Variants in AFDN observed in about 807,000 individuals in gnomAD.
AFDN encodes the protein afadin.
AFDN carries 68 observed loss-of-function variants against 216.6 expected under a neutral mutation model. That is an observed-to-expected ratio of 0.31 (90% CI 0.26 to 0.38). AFDN has a LOEUF of 0.38. Ranked by LOEUF, AFDN falls within the 10% of genes least tolerant of loss-of-function variation. AFDN has a pLI of 1.00. For synonymous variants in AFDN, 868 were observed against 853.7 expected (o/e 1.02, Z -0.29); for missense variants, 2,136 against 2,342.0 (o/e 0.91, Z 1.82).
At chr6:167,878,603 C>T (rs531057796) in intron 5 of AFDN, among the ~76,000 whole-genome samples, 1 of 123,882 alleles carries the variant, frequency 8.1e-6, no homozygotes, top group Non-Finnish European at 1.8e-5. Flanking sequence ...CTCTCTCTCT[C>T]TCTGTCTCTC....
intron 2 of AFDN, among the ~76,000 whole-genome samples, chr6:167,866,206 T>C (rs186720841): frequency 2.0e-4 from 31 of 152,334 alleles, no homozygotes; most frequent in Admixed American, 3.3e-4. Context: ...GTTTGAGGTC[T>C]AAAAATTGGA....
chr6:167,919,417 T>A (rs1278749054), intron 21 of AFDN, among the ~76,000 whole-genome samples: 4 of 152,248 alleles, frequency 2.6e-5, no homozygotes, highest in African/African-American at 9.6e-5. Context: ...GCACCTCAGT[T>A]TCTTTTCAGT....
At chr6:167,864,410 C>T (rs772590906) in intron 1 of AFDN, 141 bp from the exon 2 acceptor site, 3 of 843,872 alleles carry the variant, frequency 3.6e-6, no homozygotes, top group African/African-American at 3.3e-5. Context: ...GACTAAAAAC[C>T]CATCTCTCTA....
At chr6:167,876,785 G>A (rs951684243) in intron 5 of AFDN, among the ~76,000 whole-genome samples, 1 of 150,270 alleles carries the variant, frequency 6.7e-6, no homozygotes, top group African/African-American at 2.4e-5. Context: ...TTTTTTTTAC[G>A]ATAAAATAGG....
chr6:167,966,177 C>T, intron 32 of AFDN, 132 bp downstream of exon 32: 3 of 1,534,718 alleles, frequency 2.0e-6, no homozygotes, highest in African/African-American at 2.7e-5. Flanking sequence ...ATTCCAGCCA[C>T]CCTCAGCCAA....
chr6:167,943,901 C>A (rs747498170), intron 25 of AFDN, 40 bp from the exon 26 acceptor site: 1 of 1,538,542 alleles, frequency 6.5e-7, no homozygotes, highest in Non-Finnish European at 9.0e-7. Flanking sequence ...GCAGGCACTG[C>A]GTTTTAGTCT....
chr6:167,956,114 CAAAAAA>C (rs59521151), intron 30 of AFDN, among the ~76,000 whole-genome samples: 12 of 41,298 alleles, frequency 2.9e-4, no homozygotes, highest in Middle Eastern at 0.016. Flanking sequence ...GACTTTGGCT[CAAAAAA>C]AAAAAAAAAA....
chr6:167,952,601 G>A, intron 30 of AFDN: 4 of 641,084 alleles, frequency 6.2e-6, no homozygotes, highest in Non-Finnish European at 7.7e-6. Context: ...GCAACCCCCA[G>A]CTCTGCTGTT....
In AFDN at chr6:167,955,143, C is replaced by T. The variant is rs76093683; in HGVS notation, c.4833+2956C>T. Among the ~76,000 whole-genome samples, 13 of 152,194 alleles carry T rather than the reference C, an allele frequency of 8.5e-5. No individual in the cohort carries two copies. In the East Asian group the frequency reaches 2.5e-3, roughly 29 times the overall value. On this transcript the variant is annotated intron_variant, in intron 30 of 33. Coordinates refer to ENST00000683244, the MANE Select transcript of AFDN (RefSeq NM_001386888.1). ...TTGCGTATGGTATCTTTATCACCTG[C>T]TAGACAATTATACTCTGATATATTT...
At chr6:167,887,108 A>G (rs1786942516) in intron 6 of AFDN, among the ~76,000 whole-genome samples, 1 of 151,904 alleles carries the variant, frequency 6.6e-6, no homozygotes, top group Non-Finnish European at 1.5e-5. Context: ...TGATAAGTGT[A>G]TATAAGTCTA....
chr6:167,945,243 G>T (rs1202848024), intron 26 of AFDN, among the ~76,000 whole-genome samples: 3 of 151,686 alleles, frequency 2.0e-5, no homozygotes, highest in Admixed American at 2.0e-4. Context: ...GCCTGCACAG[G>T]GTCAGGATTA....
At chr6:167,899,482 C>G (rs1442886241) in intron 11 of AFDN, among the ~76,000 whole-genome samples, 2 of 152,170 alleles carry the variant, frequency 1.3e-5, no homozygotes, top group African/African-American at 2.4e-5. Flanking sequence ...TTAACTGTTT[C>G]TTTCTGAAGG....
chr6:167,872,440 C>A, intron 4 of AFDN, 63 bp downstream of exon 4: 1 of 1,511,502 alleles, frequency 6.6e-7, no homozygotes, highest in Non-Finnish European at 8.9e-7. Flanking sequence ...TTTGTTGCAC[C>A]AAAATTGTTA....
At chr6:167,906,658 T>C (rs1789727947) in intron 12 of AFDN, among the ~76,000 whole-genome samples, 1 of 152,208 alleles carries the variant, frequency 6.6e-6, no homozygotes, top group Non-Finnish European at 1.5e-5. Context: ...TGGGTTACCA[T>C]ATAATATGTG....
In AFDN at chr6:167,951,268, G is replaced by A. The variant is rs202145961; in HGVS notation, c.3914G>A (p.Arg1305Gln). 6.8e-6 allele frequency: 11 copies of A among 1,613,242 alleles called. No individual in the cohort carries two copies. Among genetic ancestry groups the A allele is most frequent in the African/African-American group, 1.3e-5 (1 of 74,888 alleles). Residue 1305 changes from arginine (R) to glutamine (Q), a missense_variant, in exon 30 of 34, where the codon CGA becomes CAA. Physicochemically the swap from Arg to Gln is conservative, Grantham distance 43 (BLOSUM62 1). This residue lies in a region of AFDN where 981 missense variants were observed against 966.0 expected (regional missense o/e 1.02). Coordinates refer to ENST00000683244, the MANE Select transcript of AFDN (RefSeq NM_001386888.1). This position sits in a 1 kb window ranked among gnomAD's most constrained non-coding sequence, Gnocchi z 7.1. ...CATCGAATAGAGGCAGCTATGGACCGAAAGTCTGATAGTGATATGTGGATA... is the reference window on the plus strand; with the variant it reads ...CATCGAATAGAGGCAGCTATGGACCAAAAGTCTGATAGTGATATGTGGATA... ...ERHRIEAAMDRKSDSDMWINQ... is the reference protein window; with the variant it reads ...ERHRIEAAMDQKSDSDMWINQ...
chr6:167,911,416 G>A lies in AFDN; in HGVS notation c.1964G>A (p.Ser655Asn). The A allele has an allele frequency of 3.1e-6, 5 of 1,614,086 alleles. No individual in the cohort carries two copies. The highest frequency in any genetic ancestry group is 4.2e-6 in the Non-Finnish European group (5 of 1,180,006). The change falls in exon 15 of 34, where the codon AGC (serine) becomes AAC (asparagine). Residue 655 changes from serine (S) to asparagine (N), a missense_variant. Ser to Asn is a conservative substitution (Grantham distance 46). Transcript: ENST00000683244. ...TCCAACCAGTACAGACCTGACATCAGCCCTACAGAGCGCACACATAAAGTC... is the reference window on the plus strand; with the variant it reads ...TCCAACCAGTACAGACCTGACATCAACCCTACAGAGCGCACACATAAAGTC... The part of the protein sequence containing the change: ...VLSNQYRPDI[S>N]PTERTHKVIA...
chr6:167,932,905 TACAC>T (rs1378424185), intron 23 of AFDN: 4 of 152,212 alleles, frequency 2.6e-5, no homozygotes, highest in Admixed American at 2.6e-4. Context: ...AGCTTGTAAT[TACAC>T]ACTCTTTTTT....
At chr6:167,918,966 C>A in intron 21 of AFDN, 33 bp downstream of exon 21, 1 of 1,574,064 alleles carries the variant, frequency 6.4e-7, no homozygotes, top group Non-Finnish European at 8.7e-7. Context: ...GTCTGAGCTA[C>A]GCCCCAGGTT....
chr6:167,968,017 G>A lies in AFDN; in HGVS notation c.5258-1097G>A, dbSNP rs547176774. The stretch of plus-strand genomic sequence containing the variant: ...GCTTTTTGAAAATGATCTGTGATTT[G>A]GAGTATTCATAGAGAGTCAGCTGAA... On this transcript the variant is annotated intron_variant, in intron 32 of 33. Transcript: ENST00000683244. Among the ~76,000 whole-genome samples, 6 of 152,212 alleles carry A rather than the reference G, an allele frequency of 3.9e-5. No homozygotes were observed. In the East Asian group the frequency reaches 7.7e-4, roughly 20 times the overall value.
Sources: gnomAD v4.1 joint callset for allele counts (sites outside exome capture counted in the v4.1 genomes callset) on GRCh38, gnomAD v4.1.1 for gene constraint, gnomAD v4.1.1 regional missense constraint, Gnocchi (gnomAD v3.1) non-coding constraint, MANE v1.5 for transcripts, NCBI Gene and HGNC (gene_info 2026-07-23, HGNC 2026-07-21) for gene names.